The following IL1RAPL1 variants were observed in gnomAD, a reference collection of about 807,000 sequenced individuals.
IL1RAPL1 encodes interleukin-1 receptor accessory protein-like 1.
A neutral mutation model predicts 48.4 loss-of-function variants in IL1RAPL1; 3 were observed. That is an observed-to-expected ratio of 0.06 (90% confidence interval 0.03 to 0.16). The LOEUF is 0.16. IL1RAPL1 is among the 10% of genes least tolerant of loss of function. The probability of loss-of-function intolerance (pLI) is 1.00; values close to 1 mark genes in which losing one functional copy is unlikely to be tolerated. For synonymous variants in IL1RAPL1, 185 were observed against 187.7 expected (o/e 0.99, Z 0.12); for missense variants, 349 against 530.6 (o/e 0.66, Z 3.36).
intron 5 of IL1RAPL1, among the ~76,000 whole-genome samples, chrX:29,533,242 C>G (rs1183367437): frequency 9.0e-6 from 1 of 111,662 alleles, no homozygotes; most frequent in Non-Finnish European, 1.9e-5. Context: ...AAAGAAACTC[C>G]ATTCCCATTA....
chrX:29,798,424 A>G (rs1259223485), intron 6 of IL1RAPL1, among the ~76,000 whole-genome samples: 1 of 112,015 alleles, frequency 8.9e-6, no homozygotes, highest in Non-Finnish European at 1.9e-5. Flanking sequence ...GGCCTAAAAC[A>G]CAGCATATGG....
chrX:29,500,953 A>G (rs1170159236), intron 5 of IL1RAPL1, among the ~76,000 whole-genome samples: 4 of 111,418 alleles, frequency 3.6e-5, no homozygotes, highest in Non-Finnish European at 7.5e-5. Context: ...CATCCTTGCC[A>G]GTGTTTGTTA....
chrX:28,685,388 C>T (rs1278548813), intron 1 of IL1RAPL1, among the ~76,000 whole-genome samples: 3 of 112,374 alleles, frequency 2.7e-5, no homozygotes, highest in Non-Finnish European at 5.6e-5. Context: ...TGTGATTATA[C>T]TTAACAATAC....
chrX:28,755,097 G>A (rs1045959678), intron 1 of IL1RAPL1, among the ~76,000 whole-genome samples: 3 of 111,388 alleles, frequency 2.7e-5, no homozygotes, highest in African/African-American at 9.8e-5. Flanking sequence ...GGGTTCAAGC[G>A]ATTCTCCTGC....
At chrX:29,803,112 T>A in intron 6 of IL1RAPL1, among the ~76,000 whole-genome samples, 1 of 92,228 alleles carries the variant, frequency 1.1e-5, no homozygotes, top group East Asian at 3.6e-4. Context: ...TACATATATG[T>A]ATATATGTGT....
chrX:29,476,872 C>CTTTTTTTTTTTTTTTTTTTTTTTTTT lies in IL1RAPL1; in HGVS notation c.703+77583_703+77584insTTTTTTTTTTTTTTTTTTTTTTTTTT, dbSNP rs1198120274. Among the ~76,000 whole-genome samples, 7 of 53,932 alleles carry CTTTTTTTTTTTTTTTTTTTTTTTTTT rather than the reference C, an allele frequency of 1.3e-4. 2 individuals are homozygous for CTTTTTTTTTTTTTTTTTTTTTTTTTT. Among genetic ancestry groups the CTTTTTTTTTTTTTTTTTTTTTTTTTT allele is most frequent in the African/African-American group, 8.2e-4 (6 of 7,332 alleles). The allele number at this position is 53,932 out of a possible 115,157, so 46.8% of individuals were successfully genotyped here. On this transcript the variant is annotated intron_variant, in intron 5 of 10. Coordinates refer to ENST00000378993, the MANE Select transcript of IL1RAPL1 (RefSeq NM_014271.4). The stretch of plus-strand genomic sequence containing the variant: ...GACTCATTTACTTTTTACCCATATT[C>CTTTTTTTTTTTTTTTTTTTTTTTTTT]TTTTTTTTTTTTTTTTTTTGAGACG...
intron 6 of IL1RAPL1, among the ~76,000 whole-genome samples, chrX:29,883,020 A>G (rs759861117): frequency 1.8e-5 from 2 of 111,767 alleles, no homozygotes; most frequent in Non-Finnish European, 3.8e-5. Flanking sequence ...TGCTATAAAA[A>G]TGAAACAAAA....
chrX:28,952,933 T>G (rs1244437467), intron 2 of IL1RAPL1, among the ~76,000 whole-genome samples: 2 of 111,760 alleles, frequency 1.8e-5, no homozygotes, highest in Non-Finnish European at 3.8e-5. Flanking sequence ...TTATTTTTGT[T>G]TGAATTATAA....
chrX:28,792,485 C>T (rs922096852), intron 2 of IL1RAPL1, among the ~76,000 whole-genome samples: 2 of 108,115 alleles, frequency 1.8e-5, no homozygotes, highest in African/African-American at 6.7e-5. Flanking sequence ...ATTTAAGGAA[C>T]AGATTAAATA....
rs1159641285 is a variant in IL1RAPL1 at position 29,922,111 on chromosome X, G to A, written c.1057+2017G>A. Among the ~76,000 whole-genome samples the A allele has an allele frequency of 4.5e-5, 5 of 110,817 alleles. No individual in the cohort carries two copies. In the East Asian group the frequency reaches 1.4e-3, roughly 31 times the overall value. On this transcript the variant is annotated intron_variant, in intron 8 of 10. Transcript: ENST00000378993. ...TTAAGTAGGAATCAAAGGAGAAGGG[G>A]AGGAAAATGAATTATATCTAAGGAT... is the stretch of plus-strand genomic sequence containing the variant.
chrX:28,679,959 G>GA (rs1385563145), intron 1 of IL1RAPL1, among the ~76,000 whole-genome samples: 1 of 111,423 alleles, frequency 9.0e-6, no homozygotes, highest in Admixed American at 9.5e-5. Context: ...GGTTCTATAT[G>GA]AATTTTAAGA....
In IL1RAPL1 at chrX:29,902,202, G is replaced by T. The variant is rs146558883; in HGVS notation, c.779-15262G>T. On this transcript the variant is annotated intron_variant, in intron 6 of 10. Transcript: ENST00000378993. ...TAAGACCCATCTTCTCAACACTCAG[G>T]TGCAACATCACACCTTCCCAGGGGT... is the stretch of plus-strand genomic sequence containing the variant. 2.6e-3 allele frequency among the ~76,000 whole-genome samples: 290 copies of T among 110,535 alleles called. 3 individuals carry two copies. Among genetic ancestry groups the T allele is most frequent in the African/African-American group, 9.3e-3 (282 of 30,403 alleles).
chrX:29,107,919 T>G (rs952510677), intron 2 of IL1RAPL1, among the ~76,000 whole-genome samples: 2 of 112,115 alleles, frequency 1.8e-5, no homozygotes, highest in African/African-American at 6.5e-5. Context: ...TGACTACTCT[T>G]TACTTAACAG....
intron 2 of IL1RAPL1, among the ~76,000 whole-genome samples, chrX:28,858,031 G>A (rs5943565): frequency 0.011 from 1,281 of 112,022 alleles, 7 homozygotes; most frequent in Non-Finnish European, 0.019. Flanking sequence ...TCCAACTCTT[G>A]CAGATGATTT....
chrX:29,054,524 G>A (rs759026618), intron 2 of IL1RAPL1, among the ~76,000 whole-genome samples: 3 of 111,032 alleles, frequency 2.7e-5, no homozygotes, highest in East Asian at 5.6e-4. Context: ...CATAAATTAG[G>A]CAGCACCAAA....
At chrX:28,757,224 A>G (rs967441008) in intron 1 of IL1RAPL1, among the ~76,000 whole-genome samples, 1 of 112,366 alleles carries the variant, frequency 8.9e-6, no homozygotes, top group Non-Finnish European at 1.9e-5. Flanking sequence ...TAAGTTGCCT[A>G]TCCCAACTTT....
At chrX:28,649,782 C>T (rs183842406) in intron 1 of IL1RAPL1, among the ~76,000 whole-genome samples, 30 of 112,176 alleles carry the variant, frequency 2.7e-4, no homozygotes, top group Admixed American at 2.5e-3. Flanking sequence ...CAGATGAAGG[C>T]AGTCCCATCC....
intron 2 of IL1RAPL1, among the ~76,000 whole-genome samples, chrX:28,956,968 A>C (rs201742402): frequency 9.1e-6 from 1 of 109,920 alleles, no homozygotes; most frequent in African/African-American, 3.3e-5. Context: ...CAGAGATTCA[A>C]CTTCTTCCTG....
At chrX:28,719,829 T>G (rs777284804) in intron 1 of IL1RAPL1, among the ~76,000 whole-genome samples, 1 of 111,398 alleles carries the variant, frequency 9.0e-6, no homozygotes, top group Non-Finnish European at 1.9e-5. Context: ...TCTGTTTCTC[T>G]AATAGGAACA....
Sources: gnomAD v4.1 joint callset for allele counts (sites outside exome capture counted in the v4.1 genomes callset) on GRCh38, gnomAD v4.1.1 for gene constraint, MANE v1.5 for transcripts, NCBI Gene and HGNC (gene_info 2026-07-23, HGNC 2026-07-21) for gene names.